The following GALNTL6 variants were observed in gnomAD, a reference collection of about 807,000 sequenced individuals.
The protein encoded by GALNTL6 is polypeptide N-acetylgalactosaminyltransferase like 6, also known as polypeptide N-acetylgalactosaminyltransferase-like 6.
Under a neutral mutation model 73.7 loss-of-function variants are expected in GALNTL6, and 46 were observed. The ratio of observed to expected loss-of-function variants is 0.62; its 90% CI spans 0.49 to 0.80. GALNTL6 has a LOEUF of 0.80. GALNTL6 is among the 30% of genes least tolerant of loss of function. GALNTL6 has a pLI of 0.00. For missense variants in GALNTL6, 604 were observed against 755.0 expected (o/e 0.80, Z 2.34); for synonymous variants, 259 against 263.7 (o/e 0.98, Z 0.17).
chr4:172,513,611 T>C (rs544416687), intron 5 of GALNTL6, among the ~76,000 whole-genome samples: 5 of 152,202 alleles, frequency 3.3e-5, no homozygotes, highest in African/African-American at 1.2e-4. Flanking sequence ...CACAGGGTAC[T>C]CCCTTGATGT....
intron 2 of GALNTL6, among the ~76,000 whole-genome samples, chr4:171,877,926 T>TGTC (rs1560823419): frequency 6.6e-6 from 1 of 152,242 alleles, no homozygotes; most frequent in African/African-American, 2.4e-5. Flanking sequence ...GAGACTCATC[T>TGTC]GTCTCAGTTG....
chr4:172,996,085 T>C (rs1156908423), intron 10 of GALNTL6, among the ~76,000 whole-genome samples: 1 of 152,148 alleles, frequency 6.6e-6, no homozygotes, highest in Non-Finnish European at 1.5e-5. Context: ...GATATGTTCA[T>C]TGCAGCACTA....
intron 2 of GALNTL6, among the ~76,000 whole-genome samples, chr4:171,950,631 C>A (rs549785856): frequency 6.6e-6 from 1 of 152,088 alleles, no homozygotes; most frequent in South Asian, 2.1e-4. Context: ...AGGCGGGCAC[C>A]ACCACGCCAG....
chr4:172,735,983 G>A (rs1307320490), intron 5 of GALNTL6, among the ~76,000 whole-genome samples: 1 of 152,146 alleles, frequency 6.6e-6, no homozygotes. Context: ...TACGAATAGG[G>A]TGTGGGTCAC....
chr4:172,524,946 G>A (rs982637456), intron 5 of GALNTL6, among the ~76,000 whole-genome samples: 3 of 152,002 alleles, frequency 2.0e-5, no homozygotes, highest in African/African-American at 7.3e-5. Context: ...CTATCTAGCT[G>A]TCATTGACTT....
intron 3 of GALNTL6, among the ~76,000 whole-genome samples, chr4:172,297,669 T>G (rs1739735255): frequency 6.6e-6 from 1 of 152,208 alleles, no homozygotes; most frequent in Non-Finnish European, 1.5e-5. Flanking sequence ...TGTAGATATG[T>G]GGCATTATTT....
At chr4:172,225,417 C>G (rs1455011195) in intron 2 of GALNTL6, among the ~76,000 whole-genome samples, 11 of 144,752 alleles carry the variant, frequency 7.6e-5, no homozygotes, top group African/African-American at 2.8e-4. Context: ...ATGAATTTGA[C>G]TTTTTTTTTT....
At chr4:172,447,826 TA>T in intron 5 of GALNTL6, among the ~76,000 whole-genome samples, 1 of 152,268 alleles carries the variant, frequency 6.6e-6, no homozygotes, top group South Asian at 2.1e-4. Context: ...ACTAGGGTTT[TA>T]AAAAAATAAG....
intron 4 of GALNTL6, among the ~76,000 whole-genome samples, chr4:172,344,348 C>G (rs889251958): frequency 6.6e-5 from 10 of 152,126 alleles, no homozygotes; most frequent in Admixed American, 5.9e-4. Flanking sequence ...AATGCCTGAG[C>G]TTGGCAGTGA....
chr4:173,016,599 G>A (rs926973618), intron 11 of GALNTL6, among the ~76,000 whole-genome samples: 10 of 152,176 alleles, frequency 6.6e-5, no homozygotes, highest in Non-Finnish European at 1.2e-4. Flanking sequence ...CTCCCATATG[G>A]AATGGCTGTG....
intron 5 of GALNTL6, among the ~76,000 whole-genome samples, chr4:172,461,259 A>C (rs1228213636): frequency 1.3e-5 from 2 of 152,110 alleles, no homozygotes; most frequent in African/African-American, 4.8e-5. Context: ...AGAAAAACCT[A>C]ATGTAGGTGA....
chr4:172,820,614 C>G (rs1323358270), intron 7 of GALNTL6, among the ~76,000 whole-genome samples: 1 of 152,136 alleles, frequency 6.6e-6, no homozygotes, highest in Non-Finnish European at 1.5e-5. Context: ...AGATACTGTT[C>G]ATTCTCCCTT....
chr4:172,249,372 C>A (rs1737771794), intron 3 of GALNTL6, among the ~76,000 whole-genome samples: 2 of 152,144 alleles, frequency 1.3e-5, no homozygotes, highest in Non-Finnish European at 2.9e-5. Context: ...GGAAGCAGAG[C>A]ATTCAAGTTT....
At chr4:171,903,097 G>T (rs1737150562) in intron 2 of GALNTL6, among the ~76,000 whole-genome samples, 1 of 152,128 alleles carries the variant, frequency 6.6e-6, no homozygotes, top group Non-Finnish European at 1.5e-5. Flanking sequence ...AGAACTTAAA[G>T]AGATTGATAT....
At chr4:172,421,570 A>T (rs1481316502) in intron 5 of GALNTL6, among the ~76,000 whole-genome samples, 3 of 151,926 alleles carry the variant, frequency 2.0e-5, no homozygotes, top group African/African-American at 7.2e-5. Context: ...ATAGCAAATA[A>T]TTTTAATAAA....
chr4:172,550,987 G>A (rs1163860418), intron 5 of GALNTL6, among the ~76,000 whole-genome samples: 2 of 152,172 alleles, frequency 1.3e-5, no homozygotes, highest in African/African-American at 4.8e-5. Flanking sequence ...CTAAACTGTG[G>A]ACAGGGTTGA....
At chr4:172,526,644 C>T (rs1050553980) in intron 5 of GALNTL6, among the ~76,000 whole-genome samples, 3 of 152,096 alleles carry the variant, frequency 2.0e-5, no homozygotes, top group African/African-American at 7.2e-5. Context: ...AAACTCCACA[C>T]GATCATATGG....
intron 5 of GALNTL6, among the ~76,000 whole-genome samples, chr4:172,712,749 G>A (rs1280185292): frequency 6.6e-6 from 1 of 152,098 alleles, no homozygotes; most frequent in East Asian, 1.9e-4. Context: ...GTACAACAAG[G>A]CCTGGAACAC....
At chr4:172,994,485 C>CA (rs1424102029) in intron 10 of GALNTL6, among the ~76,000 whole-genome samples, 1 of 152,128 alleles carries the variant, frequency 6.6e-6, no homozygotes, top group Non-Finnish European at 1.5e-5. Context: ...TTAAGGCTCA[C>CA]AGAGAAATAT....
Sources: gnomAD v4.1 joint callset for allele counts (sites outside exome capture counted in the v4.1 genomes callset) on GRCh38, gnomAD v4.1.1 for gene constraint, MANE v1.5 for transcripts, NCBI Gene and HGNC (gene_info 2026-07-23, HGNC 2026-07-21) for gene names.